Variants in MAPK10 observed in about 807,000 individuals in gnomAD.
MAPK10 encodes the protein mitogen-activated protein kinase 10, also known as JNK3 alpha protein kinase.
Under a neutral mutation model 59.3 loss-of-function variants are expected in MAPK10, and 25 were observed. The ratio of observed to expected loss-of-function variants is 0.42; its 90% confidence interval spans 0.31 to 0.59. The LOEUF (loss-of-function observed/expected upper bound fraction) is 0.59, where lower values mean the gene tolerates loss of function less well. Ranked by LOEUF, MAPK10 falls within the 20% of genes least tolerant of loss-of-function variation. The pLI, the probability that MAPK10 is intolerant of heterozygous loss-of-function variation, is 0.15. For missense variants in MAPK10, 351 were observed against 568.9 expected, an observed-to-expected ratio of 0.62 and a Z score of 3.90; for synonymous variants, 190 against 200.5, an observed-to-expected ratio of 0.95 and a Z score of 0.44.
intron 10 of MAPK10, among the ~76,000 whole-genome samples, chr4:86,066,625 C>T (rs1453282055): frequency 6.6e-6 from 1 of 151,724 alleles, no homozygotes; most frequent in Non-Finnish European, 1.5e-5. Flanking sequence ...ATTAGCTGGG[C>T]GTGGTGGCGG....
intron 1 of MAPK10, among the ~76,000 whole-genome samples, chr4:86,458,313 AC>A (rs1751417488): frequency 6.7e-6 from 1 of 150,206 alleles, no homozygotes; most frequent in African/African-American, 2.5e-5. Flanking sequence ...AAAAAAAAAA[AC>A]TAGCCGGGCG....
intron 2 of MAPK10, among the ~76,000 whole-genome samples, chr4:86,197,784 C>T (rs770838573): frequency 6.6e-6 from 1 of 152,106 alleles, no homozygotes; most frequent in Non-Finnish European, 1.5e-5. Flanking sequence ...ATATATAAGA[C>T]ATTCCTGAAG....
At chr4:86,438,007 T>C (rs1748968189) in intron 1 of MAPK10, among the ~76,000 whole-genome samples, 1 of 152,258 alleles carries the variant, frequency 6.6e-6, no homozygotes, top group African/African-American at 2.4e-5. Flanking sequence ...ATATGCTGAA[T>C]GATGCCACTT....
intron 2 of MAPK10, among the ~76,000 whole-genome samples, chr4:86,344,359 A>T (rs1055962820): frequency 6.6e-6 from 1 of 152,094 alleles, no homozygotes; most frequent in South Asian, 2.1e-4. Context: ...GGCTCAAGCG[A>T]TCCTGCCTCA....
Position 86,194,372 on chromosome 4 carries a change from A to G in MAPK10, c.30T>C (p.Ser10=), listed in dbSNP as rs1335810979. 1 of 1,613,018 alleles carries G rather than the reference A, an allele frequency of 6.2e-7. No individual in the cohort carries two copies. Among genetic ancestry groups the G allele is most frequent in the South Asian group, 1.1e-5 (1 of 91,060 alleles). The change falls in exon 3 of 14, where the codon AGT becomes AGC. Residue 10 remains serine, a synonymous_variant. Transcript: ENST00000641462. ...CAATTTTCACATCCAATGTTGGTTC[A>G]CTGCAGTAGTATAAGAAATGGAGGC... The part of the protein sequence containing the change: MSLHFLYYC[S]EPTLDVKIAF...
At chr4:86,068,006 C>T (rs1217357686) in intron 9 of MAPK10, 51 bp from the exon 10 acceptor site, 1 of 1,285,566 alleles carries the variant, frequency 7.8e-7, no homozygotes, top group East Asian at 2.3e-5. Context: ...ACTAGCCTTT[C>T]AACAATTGGG....
chr4:86,574,400 T>C (rs1017288906), intron 1 of MAPK10, among the ~76,000 whole-genome samples: 59 of 151,724 alleles, frequency 3.9e-4, no homozygotes, highest in Non-Finnish European at 7.2e-4. Context: ...GCATGATTTA[T>C]AGTCCTTTGG....
intron 1 of MAPK10, among the ~76,000 whole-genome samples, chr4:86,546,424 G>A (rs1282836960): frequency 6.6e-6 from 1 of 151,854 alleles, no homozygotes; most frequent in Non-Finnish European, 1.5e-5. Context: ...GGACATGGTG[G>A]CGTGAGCCTG....
At chr4:86,398,083 G>A (rs558230072) in intron 1 of MAPK10, among the ~76,000 whole-genome samples, 181 of 152,112 alleles carry the variant, frequency 1.2e-3, no homozygotes, top group African/African-American at 4.3e-3. Flanking sequence ...TAGAGGGTGA[G>A]AAGAGACAGG....
intron 2 of MAPK10, among the ~76,000 whole-genome samples, chr4:86,217,788 AT>A (rs1296695107): frequency 1.3e-5 from 2 of 151,452 alleles, no homozygotes; most frequent in African/African-American, 4.9e-5. Context: ...TATCTCATAT[AT>A]GGTAAATGCT....
chr4:86,593,617 G>A (rs1360676747), intron 1 of MAPK10: 2 of 152,116 alleles, frequency 1.3e-5, no homozygotes, highest in African/African-American at 4.8e-5. Flanking sequence ...AAATAACAAG[G>A]CAAGTATTTA....
At position 86,132,010 on chromosome 4, in the gene MAPK10, T is replaced by C. The variant is rs559299664; in HGVS notation, c.237-24658A>G. Among the ~76,000 whole-genome samples the C allele has an allele frequency of 1.1e-4, 17 of 152,304 alleles. No homozygotes were observed. The South Asian group carries it at 3.5e-3, about 32-fold the overall frequency. On this transcript the variant is annotated intron_variant, in intron 4 of 13. Coordinates refer to ENST00000641462, the MANE Select transcript of MAPK10 (RefSeq NM_138982.4). ...CTTTCTGCTTCTAGTCAGTAGACGA[T>C]ACACTGCTGGTCCTAGTCCATAAAG...
chr4:86,047,514 C>G (rs1235880070), intron 11 of MAPK10, among the ~76,000 whole-genome samples: 3 of 152,108 alleles, frequency 2.0e-5, no homozygotes, highest in Admixed American at 2.0e-4. Context: ...CTAAGTAGAG[C>G]CATGTTTTCC....
intron 1 of MAPK10, among the ~76,000 whole-genome samples, chr4:86,425,077 AGT>A (rs1251942658): frequency 6.6e-6 from 1 of 152,166 alleles, no homozygotes; most frequent in African/African-American, 2.4e-5. Flanking sequence ...GAGATAGAGG[AGT>A]GACAGAGGCA....
At chr4:86,046,346 A>C (rs1391639314) in intron 11 of MAPK10, among the ~76,000 whole-genome samples, 1 of 151,598 alleles carries the variant, frequency 6.6e-6, no homozygotes, top group African/African-American at 2.4e-5. Context: ...ACTATGTTGA[A>C]TAGGAGTGGT....
chr4:86,143,073 A>T (rs1384901960), intron 4 of MAPK10, among the ~76,000 whole-genome samples: 1 of 152,162 alleles, frequency 6.6e-6, no homozygotes, highest in Non-Finnish European at 1.5e-5. Flanking sequence ...CAGGAAACTT[A>T]CAATCATGGC....
At chr4:86,202,885 T>C (rs1411959612) in intron 2 of MAPK10, among the ~76,000 whole-genome samples, 2 of 151,970 alleles carry the variant, frequency 1.3e-5, no homozygotes, top group African/African-American at 4.8e-5. Context: ...AACCTTCTTG[T>C]TCTAGGAAGA....
intron 9 of MAPK10, among the ~76,000 whole-genome samples, chr4:86,083,129 C>T (rs1029412550): frequency 5.9e-5 from 9 of 152,010 alleles, no homozygotes; most frequent in Non-Finnish European, 1.2e-4. Flanking sequence ...ATTAAGAAGA[C>T]GTGTCTGGGG....
At chr4:86,062,485 T>C (rs889039248) in intron 11 of MAPK10, among the ~76,000 whole-genome samples, 2 of 152,146 alleles carry the variant, frequency 1.3e-5, no homozygotes, top group Non-Finnish European at 2.9e-5. Context: ...CAAGCAACTA[T>C]CTCTTTTATA....
Sources: gnomAD v4.1 joint callset for allele counts (sites outside exome capture counted in the v4.1 genomes callset) on GRCh38, gnomAD v4.1.1 for gene constraint, MANE v1.5 for transcripts, NCBI Gene and HGNC (gene_info 2026-07-23, HGNC 2026-07-21) for gene names.